Variants in SLC25A37 observed in about 807,000 individuals in gnomAD.
SLC25A37 encodes solute carrier family 25 member 37, also known as mitoferrin-1.
Under a neutral mutation model 31.0 loss-of-function variants are expected in SLC25A37, and 17 were observed. The ratio of observed to expected loss-of-function variants is 0.55; its 90% CI spans 0.38 to 0.82. The LOEUF (loss-of-function observed/expected upper bound fraction) is 0.82. Among genes scored for constraint, SLC25A37 ranks in the 40% least tolerant of loss-of-function variants. The pLI, the probability that SLC25A37 is intolerant of heterozygous loss-of-function variation, is 0.00. For synonymous variants in SLC25A37, 222 were observed against 193.0 expected (o/e 1.15, Z -1.24); for missense variants, 404 against 465.8 (o/e 0.87, Z 1.22).
chr8:23,534,001 G>T (rs1801714279), intron 1 of SLC25A37, among the ~76,000 whole-genome samples: 1 of 152,026 alleles, frequency 6.6e-6, no homozygotes, highest in African/African-American at 2.4e-5. Context: ...AGGTTGGAGA[G>T]TAGTGGTGTG....
chr8:23,573,737 G>A lies in SLC25A37; in HGVS notation c.*1882G>A, dbSNP rs1348168696. Reference sequence around the variant, plus strand: ...GCCAAACTGGGTACCTCCCACGTGTGCCCCGTGAACAGCCCTTTGCAGCTG... The same window carrying A: ...GCCAAACTGGGTACCTCCCACGTGTACCCCGTGAACAGCCCTTTGCAGCTG... On this transcript the variant is annotated 3_prime_UTR_variant, in exon 4 of 4. Transcript: ENST00000519973. 2.2e-6 allele frequency: 1 copy of A among 447,042 alleles called. No homozygotes were observed. Among genetic ancestry groups the A allele is most frequent in the East Asian group, 7.1e-5 (1 of 14,058 alleles). 27.7% of individuals were successfully genotyped at this position (447,042 alleles called of 1,614,324 possible). A position where few individuals can be genotyped will look rare whatever the true frequency, so the allele number is the denominator to read the frequency against.
Position 23,529,031 on chromosome 8 carries a change from G to C in SLC25A37, c.29G>C (p.Ser10Thr). 6.5e-7 allele frequency: 1 copy of C among 1,548,882 alleles called. No homozygotes were observed. The highest frequency in any genetic ancestry group is 8.7e-7 in the Non-Finnish European group (1 of 1,148,506). Reference sequence around the variant, plus strand: ...GAGCTGCGCAGCGGGAGCGTGGGCAGCCAGGCGGTGGCGCGGAGGATGGAT... The same window carrying C: ...GAGCTGCGCAGCGGGAGCGTGGGCACCCAGGCGGTGGCGCGGAGGATGGAT... MELRSGSVG[S>T]QAVARRMDGD... Residue 10 changes from serine to threonine, a missense_variant, in exon 1 of 4, where the codon AGC (serine) becomes ACC (threonine). This residue lies in a region of SLC25A37 where 154 missense variants were observed against 153.6 expected (regional missense o/e 1.00). Coordinates refer to ENST00000519973, the MANE Select transcript of SLC25A37 (RefSeq NM_016612.4). This position sits in a 1 kb window ranked among gnomAD's most constrained non-coding sequence, Gnocchi z 4.1.
Position 23,573,806 on chromosome 8 carries a change from C to G in SLC25A37, c.*1951C>G. 2.2e-6 allele frequency: 1 copy of G among 456,714 alleles called. No individual in the cohort carries two copies. Among genetic ancestry groups the G allele is most frequent in the Non-Finnish European group, 4.4e-6 (1 of 226,976 alleles). The allele number at this position is 456,714 out of a possible 1,614,324, so 28.3% of individuals were successfully genotyped here. A position where few individuals can be genotyped will look rare whatever the true frequency, so the allele number is the denominator to read the frequency against. On this transcript the variant is annotated 3_prime_UTR_variant, in exon 4 of 4. Transcript: ENST00000519973. Reference sequence around the variant, plus strand: ...CTGCCCTGTCCCATCTGGCAGTTAACGCCTTCTCCCTGCTCTGCCCCCCAC... The same window carrying G: ...CTGCCCTGTCCCATCTGGCAGTTAAGGCCTTCTCCCTGCTCTGCCCCCCAC...
chr8:23,545,131 G>T lies in SLC25A37; in HGVS notation c.210+15919G>T, dbSNP rs145826441. Among the ~76,000 whole-genome samples the T allele has an allele frequency of 2.5e-3, 374 of 152,336 alleles. 3 individuals are homozygous for T. Among genetic ancestry groups the T allele is most frequent in the Non-Finnish European group, 1.1e-3 (78 of 68,024 alleles). The stretch of plus-strand genomic sequence containing the variant: ...TGCCTGAGTGAGCTTTCCTGGTCCA[G>T]GTCACAACTTGTAGGGCAAAGAGAG... On this transcript the variant is annotated intron_variant, in intron 1 of 3. Coordinates refer to ENST00000519973, the MANE Select transcript of SLC25A37 (RefSeq NM_016612.4).
At chr8:23,548,477 C>CTT (rs143771739) in intron 1 of SLC25A37, among the ~76,000 whole-genome samples, 3,333 of 115,934 alleles carry the variant, frequency 0.029, 73 homozygotes, top group South Asian at 0.044. Flanking sequence ...CACGTCCGGG[C>CTT]TTTTTTTTTT....
chr8:23,544,377 A>G (rs1366670694), intron 1 of SLC25A37, among the ~76,000 whole-genome samples: 1 of 152,194 alleles, frequency 6.6e-6, no homozygotes, highest in Non-Finnish European at 1.5e-5. Context: ...CTAACAATGC[A>G]TATCTCAGAA....
At chr8:23,566,429 CT>C (rs1802659113) in intron 2 of SLC25A37, 93 bp downstream of exon 2, 4 of 1,499,826 alleles carry the variant, frequency 2.7e-6, no homozygotes, top group Admixed American at 5.9e-5. Flanking sequence ...GCCGCCTCGA[CT>C]TCGGCCCGCT....
intron 1 of SLC25A37, among the ~76,000 whole-genome samples, chr8:23,552,536 T>C (rs1414065756): frequency 6.6e-6 from 1 of 152,166 alleles, no homozygotes; most frequent in African/African-American, 2.4e-5. Flanking sequence ...CCCTCTGGCT[T>C]TTCCTGCTAC....
At chr8:23,549,646 T>G (rs1802169776) in intron 1 of SLC25A37, among the ~76,000 whole-genome samples, 1 of 152,170 alleles carries the variant, frequency 6.6e-6, no homozygotes, top group Non-Finnish European at 1.5e-5. Flanking sequence ...GAAAGGTGTG[T>G]GGAGAAAGAA....
At chr8:23,552,687 G>T (rs1477737302) in intron 1 of SLC25A37, among the ~76,000 whole-genome samples, 2 of 152,228 alleles carry the variant, frequency 1.3e-5, no homozygotes, top group African/African-American at 4.8e-5. Context: ...TATGGGCAGA[G>T]ACGGTCTTTG....
chr8:23,556,571 T>C (rs1802371760), intron 1 of SLC25A37, among the ~76,000 whole-genome samples: 2 of 152,004 alleles, frequency 1.3e-5, no homozygotes, highest in African/African-American at 4.8e-5. Flanking sequence ...TATATGTATG[T>C]ATATACATAT....
Position 23,574,886 on chromosome 8 carries a change from C to T in SLC25A37, c.*3031C>T, listed in dbSNP as rs1468069226. 3 of 153,248 alleles carry T rather than the reference C, an allele frequency of 2.0e-5. No homozygotes were observed. Among genetic ancestry groups the T allele is most frequent in the East Asian group, 1.9e-4 (1 of 5,190 alleles). The allele number at this position is 153,248 out of a possible 1,614,324, so 9.5% of individuals were successfully genotyped here. ...GTTAGTGCCACCTGAGTACAGCACT[C>T]GTACTTTTACATGATGTGTGTGTGA... On this transcript the variant is annotated 3_prime_UTR_variant, in exon 4 of 4. Coordinates refer to ENST00000519973, the MANE Select transcript of SLC25A37 (RefSeq NM_016612.4).
chr8:23,531,000 A>G (rs1332778996), intron 1 of SLC25A37, among the ~76,000 whole-genome samples: 2 of 152,174 alleles, frequency 1.3e-5, no homozygotes, highest in Non-Finnish European at 2.9e-5. Flanking sequence ...ATTACTTTCC[A>G]TAGCAGTTTT....
At chr8:23,569,871 C>T (rs1431839171) in intron 3 of SLC25A37, among the ~76,000 whole-genome samples, 1 of 152,210 alleles carries the variant, frequency 6.6e-6, no homozygotes, top group Non-Finnish European at 1.5e-5. Context: ...AGTTGTGGAG[C>T]TCTTTTCACC....
chr8:23,546,562 A>AGTG (rs1563256143), intron 1 of SLC25A37, among the ~76,000 whole-genome samples: 57 of 93,350 alleles, frequency 6.1e-4, no homozygotes, highest in African/African-American at 3.1e-3. Flanking sequence ...TAGTGTATAT[A>AGTG]TATATATATA....
At chr8:23,535,251 G>A (rs1193623927) in intron 1 of SLC25A37, among the ~76,000 whole-genome samples, 2 of 152,258 alleles carry the variant, frequency 1.3e-5, no homozygotes, top group African/African-American at 4.8e-5. Context: ...CCTCCAATGC[G>A]CATGCTCCCT....
intron 1 of SLC25A37, among the ~76,000 whole-genome samples, chr8:23,559,344 T>TGTGTGTGTGCGTGTGTGTGC (rs71210626): frequency 4.6e-5 from 7 of 151,850 alleles, no homozygotes; most frequent in Non-Finnish European, 8.8e-5. Flanking sequence ...CGGTTGTGTG[T>TGTGTGTGTGCGTGTGTGTGC]GTGTGTGTGC....
chr8:23,540,841 C>A (rs140629785), intron 1 of SLC25A37, among the ~76,000 whole-genome samples: 2,415 of 152,252 alleles, frequency 0.016, 40 homozygotes, highest in Middle Eastern at 0.034. Context: ...TCCGCTTACG[C>A]ATGTAGTGAG....
intron 1 of SLC25A37, among the ~76,000 whole-genome samples, chr8:23,559,020 G>A (rs1802440798): frequency 6.6e-6 from 1 of 152,236 alleles, no homozygotes; most frequent in Non-Finnish European, 1.5e-5. Context: ...CAAGGGCATA[G>A]GTTCCCATTG....
Sources: allele counts gnomAD v4.1 joint callset (sites outside exome capture counted in the v4.1 genomes callset), GRCh38; gene constraint gnomAD v4.1.1; regional missense constraint gnomAD v4.1.1; non-coding constraint Gnocchi (gnomAD v3.1); transcripts MANE v1.5; gene names NCBI Gene and HGNC (gene_info 2026-07-23, HGNC 2026-07-21).